Variants in SHTN1 observed in about 807,000 individuals in gnomAD.
The protein encoded by SHTN1 is shootin-1.
Under a neutral mutation model 83.1 loss-of-function variants are expected in SHTN1, and 42 were observed. That is an observed-to-expected ratio of 0.51 (90% CI 0.39 to 0.65). The LOEUF is 0.65. Ranked by LOEUF, SHTN1 falls within the 30% of genes least tolerant of loss-of-function variation. The probability of loss-of-function intolerance (pLI) is 0.00; values close to 1 mark genes in which losing one functional copy is unlikely to be tolerated. For synonymous variants in SHTN1, 224 were observed against 247.7 expected, an observed-to-expected ratio of 0.90 and a Z score of 0.90; for missense variants, 622 against 737.8, an observed-to-expected ratio of 0.84 and a Z score of 1.82.
intron 2 of SHTN1, among the ~76,000 whole-genome samples, chr10:117,024,586 C>T (rs1486418687): frequency 1.3e-5 from 2 of 151,876 alleles, no homozygotes; most frequent in African/African-American, 4.8e-5. Context: ...TCTCGATCTC[C>T]TGACCTCGTG....
At chr10:116,986,322 G>T (rs1851216929) in intron 1 of SHTN1, among the ~76,000 whole-genome samples, 1 of 152,130 alleles carries the variant, frequency 6.6e-6, no homozygotes, top group Admixed American at 6.5e-5. Flanking sequence ...GACACATAAG[G>T]CAGATAGAAA....
intron 1 of SHTN1, among the ~76,000 whole-genome samples, chr10:117,084,856 G>T (rs1853326129): frequency 6.6e-6 from 1 of 151,584 alleles, no homozygotes. Flanking sequence ...CTGACCCCTT[G>T]CGCTTCCCGA....
intron 2 of SHTN1, among the ~76,000 whole-genome samples, chr10:117,018,709 T>C (rs1173802208): frequency 1.3e-5 from 2 of 151,760 alleles, no homozygotes; most frequent in East Asian, 1.9e-4. Context: ...GTAGTTGGGA[T>C]TACAGATGCT....
At chr10:117,041,437 T>G (rs926074513) in intron 2 of SHTN1, among the ~76,000 whole-genome samples, 1 of 152,184 alleles carries the variant, frequency 6.6e-6, no homozygotes, top group African/African-American at 2.4e-5. Context: ...AATCAATATG[T>G]AGCATCACGG....
At chr10:117,037,159 C>G (rs1852509697) in intron 2 of SHTN1, among the ~76,000 whole-genome samples, 1 of 152,108 alleles carries the variant, frequency 6.6e-6, no homozygotes, top group African/African-American at 2.4e-5. Context: ...TCATTTATAG[C>G]TAGACATCAT....
At chr10:116,893,571 CAT>C (rs1491495395) in intron 16 of SHTN1, among the ~76,000 whole-genome samples, 16 of 147,020 alleles carry the variant, frequency 1.1e-4, no homozygotes, top group South Asian at 2.3e-4. Flanking sequence ...GATAGGCACT[CAT>C]GTGCACACAC....
intron 1 of SHTN1, among the ~76,000 whole-genome samples, chr10:116,995,688 T>G (rs1851601870): frequency 6.6e-6 from 1 of 152,148 alleles, no homozygotes. Flanking sequence ...CTGGTTATAT[T>G]GCCAAAGTTT....
chr10:117,031,415 CA>C lies in SHTN1; in HGVS notation c.-123+17029del, dbSNP rs377144404. ...AGCAATAAGAAATCCTCTGAAGGTA[CA>C]AAACTCACTGCTAATAATAAGTACA... On this transcript the variant is annotated intron_variant, in intron 2 of 17. Coordinates refer to the SHTN1 transcript ENST00000392901. 2.4e-4 allele frequency among the ~76,000 whole-genome samples: 37 copies of C among 152,204 alleles called. No homozygotes were observed. The East Asian group carries it at 3.7e-3, about 15-fold the overall frequency.
chr10:117,090,752 C>CGG (rs1853417814), intron 1 of SHTN1, among the ~76,000 whole-genome samples: 4 of 110,574 alleles, frequency 3.6e-5, no homozygotes, highest in African/African-American at 1.4e-4. Flanking sequence ...TTTGTGAAAA[C>CGG]AGAAGGAAGG....
At chr10:116,979,144 G>GA (rs1850919934) in intron 2 of SHTN1, 112 bp downstream of exon 2, 3 of 890,102 alleles carry the variant, frequency 3.4e-6, no homozygotes, top group African/African-American at 3.4e-5. Context: ...GAAAAGAAAA[G>GA]AAAAAAACAA....
At chr10:117,121,434 C>G (rs1054998872) in intron 1 of SHTN1, among the ~76,000 whole-genome samples, 1 of 151,986 alleles carries the variant, frequency 6.6e-6, no homozygotes, top group African/African-American at 2.4e-5. Flanking sequence ...AAAAAACTAG[C>G]CGGGCATGGT....
intron 2 of SHTN1, among the ~76,000 whole-genome samples, chr10:117,018,763 G>T (rs994368382): frequency 2.0e-5 from 3 of 151,814 alleles, no homozygotes; most frequent in Non-Finnish European, 4.4e-5. Context: ...AGTAGAGAGG[G>T]GTTTTCACCA....
chr10:116,988,147 T>A (rs1851288838), intron 1 of SHTN1, among the ~76,000 whole-genome samples: 1 of 152,186 alleles, frequency 6.6e-6, no homozygotes, highest in Non-Finnish European at 1.5e-5. Flanking sequence ...GGCTCAACAA[T>A]TCTAACAAAT....
intron 1 of SHTN1, among the ~76,000 whole-genome samples, chr10:117,090,372 G>A (rs1360618154): frequency 1.3e-5 from 2 of 152,168 alleles, no homozygotes; most frequent in African/African-American, 4.8e-5. Flanking sequence ...CATAGAGACA[G>A]AAAGTAGAAT....
At chr10:116,928,141 A>T (rs1187506659) in intron 10 of SHTN1, among the ~76,000 whole-genome samples, 1 of 152,194 alleles carries the variant, frequency 6.6e-6, no homozygotes, top group East Asian at 1.9e-4. Flanking sequence ...TTTAGAAAAG[A>T]AAAAAATTAA....
chr10:117,051,472 G>A (rs1191051891), intron 1 of SHTN1, among the ~76,000 whole-genome samples: 1 of 152,066 alleles, frequency 6.6e-6, no homozygotes, highest in South Asian at 2.1e-4. Flanking sequence ...AAAAGAAACT[G>A]CAGACCAATA....
chr10:116,895,010 A>C (rs896346786), intron 16 of SHTN1, among the ~76,000 whole-genome samples: 1 of 152,218 alleles, frequency 6.6e-6, no homozygotes, highest in Admixed American at 6.5e-5. Context: ...CAATGGATAA[A>C]CACAAACTCA....
At chr10:116,916,841 T>C (rs976155019) in intron 12 of SHTN1, among the ~76,000 whole-genome samples, 1 of 152,214 alleles carries the variant, frequency 6.6e-6, no homozygotes, top group African/African-American at 2.4e-5. Context: ...GATACCGTCC[T>C]AACTTCAAAG....
chr10:117,033,229 A>G (rs1852446135), intron 2 of SHTN1, among the ~76,000 whole-genome samples: 1 of 152,184 alleles, frequency 6.6e-6, no homozygotes, highest in South Asian at 2.1e-4. Flanking sequence ...AAAAAATACA[A>G]AAGATTGATG....
Sources: allele counts gnomAD v4.1 joint callset (sites outside exome capture counted in the v4.1 genomes callset), GRCh38; gene constraint gnomAD v4.1.1; transcripts MANE v1.5; gene names NCBI Gene and HGNC (gene_info 2026-07-23, HGNC 2026-07-21).